Variants in ORMDL1 observed in about 807,000 individuals in gnomAD.
The protein encoded by ORMDL1 is ORMDL sphingolipid biosynthesis regulator 1, also known as ORM1-like protein 1.
Under a neutral mutation model 13.0 loss-of-function variants are expected in ORMDL1, and 10 were observed. The observed-to-expected ratio is 0.77, with a 90% CI of 0.47 to 1.30. ORMDL1 has a LOEUF of 1.30. Ranked by LOEUF, ORMDL1 falls within the 50% of genes most tolerant of loss-of-function variation. ORMDL1 has a pLI of 0.00. For missense variants in ORMDL1, 171 were observed against 186.7 expected (o/e 0.92, Z 0.49); for synonymous variants, 61 against 63.9 (o/e 0.95, Z 0.22).
intron 3 of ORMDL1, among the ~76,000 whole-genome samples, chr2:189,779,999 C>T (rs2047788289): frequency 6.6e-6 from 1 of 152,108 alleles, no homozygotes. Context: ...GTTGAGTATT[C>T]CTTATCCACA....
intron 4 of ORMDL1, among the ~76,000 whole-genome samples, chr2:189,772,262 CA>C (rs1196060208): frequency 6.6e-6 from 1 of 151,408 alleles, no homozygotes; most frequent in Non-Finnish European, 1.5e-5. Context: ...GGATTCAAAG[CA>C]TTCATCTTAT....
intron 3 of ORMDL1, chr2:189,778,492 T>C: frequency 2.2e-6 from 1 of 454,036 alleles, no homozygotes; most frequent in Admixed American, 2.4e-5. Flanking sequence ...TATAAAACAA[T>C]GACAAACACA....
chr2:189,778,538 C>G (rs976205058), intron 3 of ORMDL1: 1 of 425,268 alleles, frequency 2.4e-6, no homozygotes, highest in Non-Finnish European at 4.7e-6. Flanking sequence ...TGTGTAGATT[C>G]CTGGAGGGAC....
downstream of ORMDL1, among the ~76,000 whole-genome samples, chr2:189,766,331 AGTT>A (rs2047482444): frequency 6.6e-6 from 1 of 152,204 alleles, no homozygotes; most frequent in Admixed American, 6.5e-5. Context: ...ACCATTTTTA[AGTT>A]CAAAGGAACT....
downstream of ORMDL1, among the ~76,000 whole-genome samples, chr2:189,767,539 T>G (rs116475156): frequency 0.035 from 5,396 of 152,322 alleles, 108 homozygotes; most frequent in South Asian, 0.07. Context: ...GTCAGAAAAT[T>G]TATACACTGT....
At chr2:189,782,012 G>A (rs1430435119) in intron 3 of ORMDL1, among the ~76,000 whole-genome samples, 2 of 151,034 alleles carry the variant, frequency 1.3e-5, no homozygotes, top group East Asian at 2.0e-4. Flanking sequence ...GAATGATCTC[G>A]GCTCATTGCA....
downstream of ORMDL1, chr2:189,770,241 A>AT (rs1245693765): frequency 4.6e-5 from 7 of 152,148 alleles, no homozygotes; most frequent in African/African-American, 1.7e-4. Flanking sequence ...TGTTACTTTA[A>AT]TTTTACGAAT....
chr2:189,772,745 G>A (rs114648850), intron 4 of ORMDL1, among the ~76,000 whole-genome samples: 1 of 152,112 alleles, frequency 6.6e-6, no homozygotes, highest in South Asian at 2.1e-4. Flanking sequence ...TTTGCAGTAC[G>A]CAAGGAAAGT....
downstream of ORMDL1, among the ~76,000 whole-genome samples, chr2:189,768,934 T>C (rs917735827): frequency 1.8e-4 from 27 of 152,240 alleles, no homozygotes; most frequent in African/African-American, 6.0e-4. Flanking sequence ...CTTTAAATAC[T>C]TGAAGAGTTA....
At chr2:189,774,755 G>A (rs1442843139) in intron 4 of ORMDL1, 1 of 152,144 alleles carries the variant, frequency 6.6e-6, no homozygotes, top group Non-Finnish European at 1.5e-5. Context: ...GAAAAAAGGA[G>A]GAGGCATTTC....
rs1476893581 is a variant in ORMDL1 at position 189,770,491 on chromosome 2, C to T, written c.*1276G>A. On this transcript the variant is annotated 3_prime_UTR_variant, in exon 5 of 5. Coordinates refer to ENST00000392349, the MANE Select transcript of ORMDL1 (RefSeq NM_016467.5). ...ACCCCCAAAAGTCAGTTTACTGACA[C>T]GAATTGATGTTTAAGTTGGTCTGTA... 2 of 152,092 alleles carry T rather than the reference C, an allele frequency of 1.3e-5. No homozygotes were observed. Among genetic ancestry groups the T allele is most frequent in the Non-Finnish European group, 2.9e-5 (2 of 68,016 alleles). 9.4% of individuals were successfully genotyped at this position (152,092 alleles called of 1,614,324 possible). A position where few individuals can be genotyped will look rare whatever the true frequency, so the allele number is the denominator to read the frequency against.
chr2:189,763,944 C>G, the ORMDL1 span: 11 of 152,222 alleles, frequency 7.2e-5, no homozygotes, highest in South Asian at 2.3e-3. Flanking sequence ...CACTATGTAC[C>G]AGGCACCTGC....
intron 3 of ORMDL1, chr2:189,778,325 G>T (rs567780829): frequency 1.3e-5 from 6 of 444,788 alleles, no homozygotes; most frequent in Non-Finnish European, 2.7e-5. Flanking sequence ...AACCCAGGAG[G>T]GGGAGGTTGC....
intron 3 of ORMDL1, among the ~76,000 whole-genome samples, chr2:189,779,111 G>A (rs1055961256): frequency 2.0e-5 from 3 of 151,686 alleles, no homozygotes; most frequent in African/African-American, 7.3e-5. Flanking sequence ...CCAGGAGTTC[G>A]AGGCTGCAGT....
At chr2:189,768,923 T>C (rs1490601244), downstream of ORMDL1, among the ~76,000 whole-genome samples, 1 of 152,248 alleles carries the variant, frequency 6.6e-6, no homozygotes, top group Non-Finnish European at 1.5e-5. Context: ...TTAAAAGTTA[T>C]CTTTAAATAC....
Position 189,771,545 on chromosome 2 carries a change from T to G in ORMDL1, c.*222A>C. The stretch of plus-strand genomic sequence containing the variant: ...ACTTATAAGCTGGGCCTGCCCAGCC[T>G]GCTTATAAAGCCCCTCTTCAGAAAT... On this transcript the variant is annotated 3_prime_UTR_variant, in exon 5 of 5. Coordinates refer to ENST00000392349, the MANE Select transcript of ORMDL1 (RefSeq NM_016467.5). The G allele has an allele frequency of 2.7e-6, 1 of 375,824 alleles. No homozygotes were observed. Among genetic ancestry groups the G allele is most frequent in the Middle Eastern group, 7.3e-4 (1 of 1,374 alleles). 23.3% of individuals were successfully genotyped at this position (375,824 alleles called of 1,614,324 possible).
downstream of ORMDL1, among the ~76,000 whole-genome samples, chr2:189,768,357 G>A (rs750617423): frequency 6.6e-6 from 1 of 152,182 alleles, no homozygotes; most frequent in Admixed American, 6.5e-5. Context: ...AAATTGCACT[G>A]GTTGACACTG....
chr2:189,771,584 TAAACAGAG>T lies in ORMDL1; in HGVS notation c.*175_*182del. Reference sequence around the variant, plus strand: ...CTCTTCAGAAATGTACCAGGTGTATTAAACAGAGGCATCATTTAATGGAAATCTGCACT... The same window carrying T: ...CTCTTCAGAAATGTACCAGGTGTATTGCATCATTTAATGGAAATCTGCACT... On this transcript the variant is annotated 3_prime_UTR_variant, in exon 5 of 5. Coordinates refer to ENST00000392349, the MANE Select transcript of ORMDL1 (RefSeq NM_016467.5). The T allele has an allele frequency of 1.9e-6, 1 of 514,854 alleles. No homozygotes were observed. Among genetic ancestry groups the T allele is most frequent in the South Asian group, 3.3e-5 (1 of 30,506 alleles). The allele number at this position is 514,854 out of a possible 1,614,324, so 31.9% of individuals were successfully genotyped here.
chr2:189,773,722 C>CTAAAAAAAAAA (rs2047630278), intron 4 of ORMDL1, among the ~76,000 whole-genome samples: 1 of 64,318 alleles, frequency 1.6e-5, no homozygotes, highest in Non-Finnish European at 2.7e-5. Flanking sequence ...ACTCTTGTCT[C>CTAAAAAAAAAA]AAAAAAAAAA....
Sources: allele counts gnomAD v4.1 joint callset (sites outside exome capture counted in the v4.1 genomes callset), GRCh38; gene constraint gnomAD v4.1.1; transcripts MANE v1.5; gene names NCBI Gene and HGNC (gene_info 2026-07-23, HGNC 2026-07-21).